ARHGAP22: variants seen among roughly 807,000 people sequenced by gnomAD.
ARHGAP22 encodes the protein Rho GTPase activating protein 22.
ARHGAP22 carries 48 observed loss-of-function variants against 59.1 expected under a neutral mutation model. The ratio of observed to expected loss-of-function variants is 0.81; its 90% CI spans 0.64 to 1.03. The LOEUF (loss-of-function observed/expected upper bound fraction) is 1.03. Among genes scored for constraint, ARHGAP22 ranks in the 50% least tolerant of loss-of-function variants. The probability of loss-of-function intolerance (pLI) is 0.00; values close to 1 mark genes in which losing one functional copy is unlikely to be tolerated. For missense variants in ARHGAP22, 1,015 were observed against 958.7 expected (o/e 1.06, Z -0.78); for synonymous variants, 445 against 416.4 (o/e 1.07, Z -0.84).
At chr10:48,596,395 G>C (rs966767013) in intron 1 of ARHGAP22, among the ~76,000 whole-genome samples, 7 of 151,828 alleles carry the variant, frequency 4.6e-5, no homozygotes, top group African/African-American at 1.7e-4. Flanking sequence ...AGGGAGAGGG[G>C]AGTGTGAAGG....
chr10:48,555,025 C>A (rs760297001), intron 3 of ARHGAP22, among the ~76,000 whole-genome samples: 2 of 152,210 alleles, frequency 1.3e-5, no homozygotes, highest in African/African-American at 4.8e-5. Flanking sequence ...GCTAACGTGA[C>A]AGTAGAGCAG....
At chr10:48,450,231 C>T (rs1251901524) in intron 9 of ARHGAP22, 30 bp downstream of exon 9, 1 of 1,602,466 alleles carries the variant, frequency 6.2e-7, no homozygotes, top group Non-Finnish European at 8.5e-7. Flanking sequence ...TCCGCCCCGT[C>T]ACAGGAGGCT....
chr10:48,525,406 C>A (rs895323105), intron 3 of ARHGAP22, among the ~76,000 whole-genome samples: 3 of 152,308 alleles, frequency 2.0e-5, no homozygotes, highest in Non-Finnish European at 1.5e-5. Context: ...AACCCCTTCT[C>A]TACTAAAAAT....
chr10:48,650,858 T>C (rs999239671), intron 1 of ARHGAP22, among the ~76,000 whole-genome samples: 1 of 152,182 alleles, frequency 6.6e-6, no homozygotes, highest in Non-Finnish European at 1.5e-5. Flanking sequence ...CCACCCCCTA[T>C]TTTCTCCTGT....
intron 3 of ARHGAP22, among the ~76,000 whole-genome samples, chr10:48,530,235 G>GAAAAA (rs2054698213): frequency 2.7e-5 from 1 of 37,720 alleles, no homozygotes; most frequent in Admixed American, 3.6e-4. Context: ...AGACTCCATT[G>GAAAAA]CAAAAAAAAA....
In ARHGAP22 at chr10:48,446,316, G is replaced by A. The variant is rs1234515085; in HGVS notation, c.*75C>T. 6 of 1,520,548 alleles carry A rather than the reference G, an allele frequency of 3.9e-6. No individual in the cohort carries two copies. In the Admixed American group the frequency reaches 1.1e-4, roughly 28 times the overall value. 94.2% of individuals were successfully genotyped at this position (1,520,548 alleles called of 1,614,324 possible). On this transcript the variant is annotated 3_prime_UTR_variant, in exon 10 of 10. Transcript: ENST00000249601. ...CTCCAGAGCGCCTGGCTGCTCCAGA[G>A]ATACAGACGCTTCTAACTCCATACA...
chr10:48,549,511 G>A (rs1212177167), intron 3 of ARHGAP22, among the ~76,000 whole-genome samples: 1 of 152,058 alleles, frequency 6.6e-6, no homozygotes, highest in Non-Finnish European at 1.5e-5. Flanking sequence ...CAGTCTAGGG[G>A]AACGCCTCTT....
At chr10:48,501,716 T>C (rs763537514) in intron 3 of ARHGAP22, among the ~76,000 whole-genome samples, 1 of 150,538 alleles carries the variant, frequency 6.6e-6, no homozygotes, top group Non-Finnish European at 1.5e-5. Flanking sequence ...AATTAAATAA[T>C]GTATTGATTA....
exon 1 of ARHGAP22, chr10:48,652,278 G>A (rs765669278): frequency 2.3e-5 from 35 of 1,535,506 alleles, no homozygotes; most frequent in South Asian, 1.3e-4. Context: ...GGAAGCTGTC[G>A]GCAGCATAAT....
chr10:48,432,251 ATGT>A, the ARHGAP22 span, among the ~76,000 whole-genome samples: 1 of 152,336 alleles, frequency 6.6e-6, no homozygotes, highest in African/African-American at 2.4e-5. Flanking sequence ...AAAAAAATAG[ATGT>A]TGTATCTAGC....
intron 2 of ARHGAP22, among the ~76,000 whole-genome samples, chr10:48,558,185 C>T (rs1207794573): frequency 6.6e-6 from 1 of 152,164 alleles, no homozygotes; most frequent in Middle Eastern, 3.2e-3. Context: ...ATAGTGTTTG[C>T]ACCACATGGA....
intron 3 of ARHGAP22, among the ~76,000 whole-genome samples, chr10:48,544,871 AATT>A (rs1342276486): frequency 1.3e-5 from 2 of 152,240 alleles, no homozygotes; most frequent in East Asian, 3.8e-4. Context: ...GAATATGTAC[AATT>A]ATTATGTGTC....
intron 1 of ARHGAP22, among the ~76,000 whole-genome samples, chr10:48,601,418 C>A (rs1358632125): frequency 2.0e-5 from 3 of 152,210 alleles, no homozygotes; most frequent in Non-Finnish European, 4.4e-5. Flanking sequence ...CATTCCCCAC[C>A]CCACAGAGGC....
chr10:48,605,728 A>C (rs2060645448), upstream of ARHGAP22, among the ~76,000 whole-genome samples: 1 of 152,208 alleles, frequency 6.6e-6, no homozygotes. Flanking sequence ...TTAGGCACCT[A>C]CTATGTGTCA....
chr10:48,495,818 CTG>C (rs2050865269), intron 3 of ARHGAP22, among the ~76,000 whole-genome samples: 1 of 152,240 alleles, frequency 6.6e-6, no homozygotes, highest in Admixed American at 6.5e-5. Context: ...GGCTTGCTGG[CTG>C]TGTTGAGGCA....
intron 3 of ARHGAP22, chr10:48,546,498 G>C (rs1273550685): frequency 6.2e-6 from 1 of 160,506 alleles, no homozygotes; most frequent in Non-Finnish European, 1.4e-5. Flanking sequence ...TCCGTTAGGG[G>C]TGACCCTGGC....
intron 1 of ARHGAP22, among the ~76,000 whole-genome samples, chr10:48,620,756 C>A (rs910191968): frequency 6.6e-6 from 1 of 152,164 alleles, no homozygotes; most frequent in Middle Eastern, 3.2e-3. Context: ...ACATAGGGTG[C>A]AGAGTAGGGA....
intron 2 of ARHGAP22, among the ~76,000 whole-genome samples, chr10:48,567,573 G>A (rs993608333): frequency 2.0e-5 from 3 of 152,216 alleles, no homozygotes; most frequent in Admixed American, 2.0e-4. Flanking sequence ...AACACATTTG[G>A]GGCAGACCAT....
upstream of ARHGAP22, among the ~76,000 whole-genome samples, chr10:48,653,045 C>T (rs936189423): frequency 6.6e-6 from 1 of 152,206 alleles, no homozygotes; most frequent in Non-Finnish European, 1.5e-5. Flanking sequence ...CATAGTGGTC[C>T]TGGCAGTCCA....
Sources: gnomAD v4.1 joint callset for allele counts (sites outside exome capture counted in the v4.1 genomes callset) on GRCh38, gnomAD v4.1.1 for gene constraint, MANE v1.5 for transcripts, NCBI Gene and HGNC (gene_info 2026-07-23, HGNC 2026-07-21) for gene names.